The following TRIM17 variants were observed in gnomAD, a reference collection of about 807,000 sequenced individuals.
TRIM17 encodes the protein tripartite motif containing 17.
TRIM17 carries 27 observed loss-of-function variants against 35.8 expected under a neutral mutation model. The ratio of observed to expected loss-of-function variants is 0.75; its 90% CI spans 0.56 to 1.04. TRIM17 has a LOEUF of 1.04. Ranked by LOEUF, TRIM17 falls within the 50% of genes least tolerant of loss-of-function variation. The pLI is 0.00. For synonymous variants in TRIM17, 246 were observed against 252.6 expected, an observed-to-expected ratio of 0.97 and a Z score of 0.25; for missense variants, 582 against 612.8, an observed-to-expected ratio of 0.95 and a Z score of 0.53.
chr1:228,415,121 G>A lies in TRIM17; in HGVS notation c.-41-8C>T, dbSNP rs1210821237. On this transcript the variant is annotated splice_region_variant and splice_polypyrimidine_tract_variant and intron_variant, in intron 1 of 6. Coordinates refer to ENST00000366698, the MANE Select transcript of TRIM17 (RefSeq NM_016102.4). ...GTTCCCGCTTGAGGGACTCTGGAGA[G>A]AGTTGGAGGGAGCAGCCCGATGATC... 2.6e-6 allele frequency: 4 copies of A among 1,547,788 alleles called. No homozygotes were observed. The highest frequency in any genetic ancestry group is 3.5e-6 in the Non-Finnish European group (4 of 1,145,762).
At position 228,411,585 on chromosome 1, in the gene TRIM17, T is replaced by C. The variant is rs1656790546; in HGVS notation, c.526-409A>G. Among the ~76,000 whole-genome samples the C allele has an allele frequency of 6.6e-6, 1 of 151,934 alleles. No homozygotes were observed. The highest frequency in any genetic ancestry group is 2.1e-4 in the South Asian group (1 of 4,806). ...CTTGACCTCCTGGGCTCAAGTCATC[T>C]GAGTAGCTGGGACCACAGGCATGCA... On this transcript the variant is annotated intron_variant, in intron 3 of 6. Coordinates refer to ENST00000366698, the MANE Select transcript of TRIM17 (RefSeq NM_016102.4). This position sits in a 1 kb window ranked among gnomAD's most constrained non-coding sequence, Gnocchi z 4.2.
Position 228,407,979 on chromosome 1 carries a change from C to T in TRIM17, c.*222G>A. On this transcript the variant is annotated 3_prime_UTR_variant, in exon 7 of 7. Coordinates refer to ENST00000366698, the MANE Select transcript of TRIM17 (RefSeq NM_016102.4). ...GATTTAGAAATCGGTCCACTCAGAA[C>T]GCAGGGGCTTTCAAAAGTTTCCTCT... 1 of 401,876 alleles carries T rather than the reference C, an allele frequency of 2.5e-6. No individual in the cohort carries two copies. Among genetic ancestry groups the T allele is most frequent in the Non-Finnish European group, 4.4e-6 (1 of 229,716 alleles). The allele number at this position is 401,876 out of a possible 1,614,324, so 24.9% of individuals were successfully genotyped here.
Position 228,415,092 on chromosome 1 carries a change from G to T in TRIM17, c.-20C>A. On this transcript the variant is annotated 5_prime_UTR_variant, in exon 2 of 7. Transcript: ENST00000366698. ...CTCCATGGCTCCTGGGAGACACGAG[G>T]CAGGTTCCCGCTTGAGGGACTCTGG... is the stretch of plus-strand genomic sequence containing the variant. 6.3e-7 allele frequency: 1 copy of T among 1,586,400 alleles called. No individual in the cohort carries two copies.
intron 2 of TRIM17, among the ~76,000 whole-genome samples, chr1:228,414,157 G>T (rs1656950603): frequency 6.6e-6 from 1 of 152,218 alleles, no homozygotes; most frequent in South Asian, 2.1e-4. Context: ...GACTGCCCTA[G>T]GCCAGGAGGA....
Position 228,414,697 on chromosome 1 carries a change from C to T in TRIM17, c.376G>A (p.Glu126Lys). 1.2e-6 allele frequency: 2 copies of T among 1,612,050 alleles called. No homozygotes were observed. The highest frequency in any genetic ancestry group is 1.7e-6 in the Non-Finnish European group (2 of 1,180,040). ...PICVVCRESREHRLHRVLPAE... is the reference protein window; with the variant it reads ...PICVVCRESRKHRLHRVLPAE... ...GGCAGCACCCTGTGCAGCCGGTGCT[C>T]CCGGGACTCCCTGCACACCACACAG... is the stretch of plus-strand genomic sequence containing the variant. Residue 126 changes from glutamate to lysine, a missense_variant, in exon 2 of 7, where the codon GAG becomes AAG. Physicochemically the swap from Glu to Lys is moderately conservative, Grantham distance 56 (BLOSUM62 1). Transcript: ENST00000366698.
chr1:228,414,522 C>G, intron 2 of TRIM17, 122 bp downstream of exon 2: 2 of 860,322 alleles, frequency 2.3e-6, no homozygotes, highest in Admixed American at 4.6e-5. Context: ...TGCCTCCTCC[C>G]CAGCCCCTGA....
chr1:228,413,261 C>T (rs1656886562), intron 3 of TRIM17, among the ~76,000 whole-genome samples: 1 of 151,778 alleles, frequency 6.6e-6, no homozygotes, highest in Admixed American at 6.6e-5. Context: ...GAAGGAATTT[C>T]CAGTGGTCAA....
At position 228,416,754 on chromosome 1, in the gene TRIM17, G is replaced by A. The variant is rs1657166154; in HGVS notation, c.-257C>T. On this transcript the variant is annotated 5_prime_UTR_variant, in exon 1 of 7. Transcript: ENST00000366698. ...GGGCGAGGGAGTGTTCGGCGGCCGG[G>A]ACTGGGGCGGCGCCTCTTAGGAGAG... 1.0e-6 allele frequency: 1 copy of A among 983,502 alleles called. No individual in the cohort carries two copies. The highest frequency in any genetic ancestry group is 1.8e-5 in the African/African-American group (1 of 56,800). 60.9% of individuals were successfully genotyped at this position (983,502 alleles called of 1,614,324 possible).
chr1:228,413,965 C>T (rs748283300), intron 2 of TRIM17, 73 bp from the exon 3 acceptor site: 99 of 1,295,616 alleles, frequency 7.6e-5, no homozygotes, highest in Middle Eastern at 3.7e-4. Context: ...CAGTTGTGCT[C>T]GCTGAAACTG....
intron 3 of TRIM17, among the ~76,000 whole-genome samples, chr1:228,413,211 C>CAAAA (rs59069528): frequency 9.6e-6 from 1 of 103,976 alleles, no homozygotes; most frequent in African/African-American, 3.5e-5. Context: ...AACTCCATCT[C>CAAAA]AAAAAAAAAA....
At chr1:228,415,703 C>T (rs765820607) in intron 1 of TRIM17, 5 of 152,976 alleles carry the variant, frequency 3.3e-5, no homozygotes, top group Non-Finnish European at 5.8e-5. Context: ...GAAAAAAGCT[C>T]TCTTCCATTC....
Position 228,411,555 on chromosome 1 carries a change from G to A in TRIM17, c.526-379C>T, listed in dbSNP as rs1656788993. On this transcript the variant is annotated intron_variant, in intron 3 of 6. Transcript: ENST00000366698. The surrounding 1 kb of genome is among the most constrained non-coding windows in gnomAD (Gnocchi z 4.2). ...AGGCTGGAATGCAGTGGCACTTATT[G>A]CAACCTTGACCTCCTGGGCTCAAGT... is the stretch of plus-strand genomic sequence containing the variant. 6.6e-6 allele frequency among the ~76,000 whole-genome samples: 1 copy of A among 151,828 alleles called. No homozygotes were observed. Among genetic ancestry groups the A allele is most frequent in the Non-Finnish European group, 1.5e-5 (1 of 67,958 alleles).
rs961376799 is a variant in TRIM17, at chr1:228,411,121, A to G, written c.581T>C (p.Leu194Pro). 2.7e-5 allele frequency: 43 copies of G among 1,613,928 alleles called. No homozygotes were observed. Among genetic ancestry groups the G allele is most frequent in the Non-Finnish European group, 3.5e-5 (41 of 1,179,976 alleles). Residue 194 changes from leucine to proline, a missense_variant, in exon 4 of 7, where the codon CTC (leucine) becomes CCC (proline). Transcript: ENST00000366698. The surrounding 1 kb of genome is among the most constrained non-coding windows in gnomAD (Gnocchi z 4.2). ...RIVLEFEKMN[L>P]YLVEEEQRLL... ...CCTCTGCTCTTCTTCCACCAGGTAG[A>G]GGTTCATCTTCTCAAACTCCAGCAC...
intron 3 of TRIM17, among the ~76,000 whole-genome samples, chr1:228,412,150 C>T (rs1483546373): frequency 1.3e-5 from 2 of 152,150 alleles, no homozygotes; most frequent in African/African-American, 4.8e-5. Flanking sequence ...TGGGACTGGT[C>T]GCTTCAGGAA....
At position 228,410,681 on chromosome 1, in the gene TRIM17, C is replaced by T. The variant is rs972891864; in HGVS notation, c.756+265G>A. On this transcript the variant is annotated intron_variant, in intron 4 of 6. Transcript: ENST00000366698. The surrounding 1 kb of genome is among the most constrained non-coding windows in gnomAD (Gnocchi z 4.6). ...ATCCAGTCTGACTGGTGTCTTTATA[C>T]AAGGAGATGATTAGGACAGAGACGT... Among the ~76,000 whole-genome samples, 44 of 152,110 alleles carry T rather than the reference C, an allele frequency of 2.9e-4. No homozygotes were observed. Among genetic ancestry groups the T allele is most frequent in the African/African-American group, 9.9e-4 (41 of 41,406 alleles).
rs895265855 is a variant in TRIM17 at position 228,411,409 on chromosome 1, C to G, written c.526-233G>C. ...ACATCCAAACACCCATGCACCCTTGCTCTGAGGAGGTTCAGAATGTCCACC... is the reference window on the plus strand; with the variant it reads ...ACATCCAAACACCCATGCACCCTTGGTCTGAGGAGGTTCAGAATGTCCACC... On this transcript the variant is annotated intron_variant, in intron 3 of 6. Transcript: ENST00000366698. This position sits in a 1 kb window ranked among gnomAD's most constrained non-coding sequence, Gnocchi z 4.2. 6.6e-6 allele frequency among the ~76,000 whole-genome samples: 1 copy of G among 152,242 alleles called. No homozygotes were observed. The highest frequency in any genetic ancestry group is 1.5e-5 in the Non-Finnish European group (1 of 68,046).
At position 228,416,729 on chromosome 1, in the gene TRIM17, G is replaced by A; in HGVS notation, c.-232C>T. 4 of 982,600 alleles carry A rather than the reference G, an allele frequency of 4.1e-6. No homozygotes were observed. The highest frequency in any genetic ancestry group is 4.8e-6 in the Non-Finnish European group (4 of 827,796). 60.9% of individuals were successfully genotyped at this position (982,600 alleles called of 1,614,324 possible). A position where few individuals can be genotyped will look rare whatever the true frequency, so the allele number is the denominator to read the frequency against. On this transcript the variant is annotated 5_prime_UTR_variant, in exon 1 of 7. Transcript: ENST00000366698. ...GGGGGCGGCGGGGGAGGGGAATGCT[G>A]GGCGAGGGAGTGTTCGGCGGCCGGG...
rs979615033 is a variant in TRIM17, at chr1:228,410,535, G to C, written c.756+411C>G. ...CTGTCTCAGGTTGGAACCTGTAAGG[G>C]GCTGACTTGTGTCCCCACTAATTCA... is the stretch of plus-strand genomic sequence containing the variant. On this transcript the variant is annotated intron_variant, in intron 4 of 6. Transcript: ENST00000366698. This position sits in a 1 kb window ranked among gnomAD's most constrained non-coding sequence, Gnocchi z 4.6. 6.6e-6 allele frequency among the ~76,000 whole-genome samples: 1 copy of C among 152,048 alleles called. No homozygotes were observed. The highest frequency in any genetic ancestry group is 1.5e-5 in the Non-Finnish European group (1 of 68,010).
Position 228,414,711 on chromosome 1 carries a change from C to A in TRIM17, c.362G>T (p.Cys121Phe). Reference sequence around the variant, plus strand: ...CAGCCGGTGCTCCCGGGACTCCCTGCACACCACACAGATGGGGCTCTGGTC... The same window carrying A: ...CAGCCGGTGCTCCCGGGACTCCCTGAACACCACACAGATGGGGCTCTGGTC... Reference protein sequence around the residue: ...QKDQSPICVVCRESREHRLHR... With the variant: ...QKDQSPICVVFRESREHRLHR... Residue 121 changes from cysteine to phenylalanine, a missense_variant, in exon 2 of 7, where the codon TGC (cysteine) becomes TTC (phenylalanine). By Grantham distance (205) the Cys-to-Phe change is radical (BLOSUM62 -2). Transcript: ENST00000366698. 1 of 1,612,336 alleles carries A rather than the reference C, an allele frequency of 6.2e-7. No homozygotes were observed. The highest frequency in any genetic ancestry group is 8.5e-7 in the Non-Finnish European group (1 of 1,180,038).
Sources: allele counts gnomAD v4.1 joint callset (sites outside exome capture counted in the v4.1 genomes callset), GRCh38; gene constraint gnomAD v4.1.1; non-coding constraint Gnocchi (gnomAD v3.1); transcripts MANE v1.5; gene names NCBI Gene and HGNC (gene_info 2026-07-23, HGNC 2026-07-21).